Variants in PAK1 observed in about 807,000 individuals in gnomAD.
PAK1 encodes the protein p21 (RAC1) activated kinase 1.
A neutral mutation model predicts 67.4 loss-of-function variants in PAK1; 29 were observed. The ratio of observed to expected loss-of-function variants is 0.43; its 90% CI spans 0.32 to 0.59. The LOEUF (loss-of-function observed/expected upper bound fraction) is 0.59, where lower values mean the gene tolerates loss of function less well. Ranked by LOEUF, PAK1 falls within the 20% of genes least tolerant of loss-of-function variation. PAK1 has a pLI of 0.07. For synonymous variants in PAK1, 223 were observed against 237.4 expected, an observed-to-expected ratio of 0.94 and a Z score of 0.56; for missense variants, 337 against 670.7, an observed-to-expected ratio of 0.50 and a Z score of 5.50.
In PAK1 at chr11:77,388,376, C is replaced by A. The variant is rs61901810; in HGVS notation, c.190+3955G>T. 5.5e-3 allele frequency among the ~76,000 whole-genome samples: 833 copies of A among 152,258 alleles called. 10 individuals carry two copies. Among genetic ancestry groups the A allele is most frequent in the Non-Finnish European group, 7.3e-3 (497 of 68,020 alleles). On this transcript the variant is annotated intron_variant, in intron 2 of 14. Coordinates refer to ENST00000356341, the MANE Select transcript of PAK1 (RefSeq NM_002576.5). The stretch of plus-strand genomic sequence containing the variant: ...TTTTATTTTATTTTGTTTTTTGAGA[C>A]GGAGTCTCGCTCTGTCGCCCAGGCT...
chr11:77,458,080 G>C (rs1356952263), intron 1 of PAK1, among the ~76,000 whole-genome samples: 4 of 152,148 alleles, frequency 2.6e-5, no homozygotes, highest in African/African-American at 9.7e-5. Context: ...ATACATAGAG[G>C]GGATTCTTGT....
chr11:77,352,452 G>A (rs1463965990), intron 8 of PAK1, among the ~76,000 whole-genome samples: 2 of 152,194 alleles, frequency 1.3e-5, no homozygotes, highest in Non-Finnish European at 2.9e-5. Flanking sequence ...TTATGATGGA[G>A]CTGAAAAATT....
chr11:77,360,449 ATTTCGATATT>A (rs1399427881), intron 5 of PAK1, among the ~76,000 whole-genome samples: 1 of 152,112 alleles, frequency 6.6e-6, no homozygotes, highest in Non-Finnish European at 1.5e-5. Context: ...CAAAATATGT[ATTTCGATATT>A]TTTCTGCTCT....
chr11:77,520,009 C>CA, the PAK1 span, among the ~76,000 whole-genome samples: 158 of 152,180 alleles, frequency 1.0e-3, 1 homozygote, highest in East Asian at 0.025. Context: ...GTGGCCCCCC[C>CA]CTCCGCCCGT....
the PAK1 span, among the ~76,000 whole-genome samples, chr11:77,484,897 C>T: frequency 9.2e-5 from 14 of 152,292 alleles, no homozygotes; most frequent in East Asian, 3.9e-4. Context: ...CTAGGGAGGC[C>T]TCACAATCAC....
chr11:77,373,379 T>C (rs947823833), intron 5 of PAK1, among the ~76,000 whole-genome samples: 15 of 151,838 alleles, frequency 9.9e-5, no homozygotes, highest in African/African-American at 2.2e-4. Context: ...TTTTAAAAAA[T>C]TGTCTGTCTG....
intron 5 of PAK1, among the ~76,000 whole-genome samples, chr11:77,369,444 C>CTTTTT (rs147630042): frequency 4.4e-3 from 384 of 86,724 alleles, no homozygotes; most frequent in Non-Finnish European, 5.4e-3. Context: ...TTATACATTT[C>CTTTTT]TTTTTTTTTT....
At chr11:77,401,273 T>G (rs2853084) in intron 1 of PAK1, among the ~76,000 whole-genome samples, 9,657 of 152,196 alleles carry the variant, frequency 0.063, 684 homozygotes, top group East Asian at 0.24. Context: ...GTCTTGAATT[T>G]GCTGAGGGAT....
At chr11:77,360,650 C>G (rs1946657052) in intron 5 of PAK1, among the ~76,000 whole-genome samples, 2 of 152,106 alleles carry the variant, frequency 1.3e-5, no homozygotes, top group Admixed American at 1.3e-4. Flanking sequence ...CAACACCTTC[C>G]TCAGTAAAAG....
chr11:77,514,410 A>T, the PAK1 span, among the ~76,000 whole-genome samples: 1 of 151,990 alleles, frequency 6.6e-6, no homozygotes, highest in Non-Finnish European at 1.5e-5. Context: ...CAGGAGAATC[A>T]CTTGAACCTG....
At chr11:77,445,802 C>T (rs1294822186) in intron 1 of PAK1, among the ~76,000 whole-genome samples, 1 of 152,146 alleles carries the variant, frequency 6.6e-6, no homozygotes, top group Non-Finnish European at 1.5e-5. Context: ...AATCCTGAAG[C>T]GGTATCTTCT....
intron 1 of PAK1, among the ~76,000 whole-genome samples, chr11:77,393,487 G>A (rs562018493): frequency 1.3e-5 from 2 of 152,106 alleles, no homozygotes; most frequent in Admixed American, 6.5e-5. Context: ...TTGGAGACAA[G>A]AGTCTCCCTA....
chr11:77,463,021 G>A (rs1292108872), intron 1 of PAK1, among the ~76,000 whole-genome samples: 1 of 151,198 alleles, frequency 6.6e-6, no homozygotes, highest in African/African-American at 2.4e-5. Flanking sequence ...TTAGGAAAAA[G>A]GGTACTATGT....
chr11:77,432,653 G>A (rs143863513), intron 1 of PAK1, among the ~76,000 whole-genome samples: 2 of 151,832 alleles, frequency 1.3e-5, no homozygotes, highest in South Asian at 2.1e-4. Flanking sequence ...ATGAGACCCT[G>A]TCTCAAAAAA....
chr11:77,475,740 A>G (rs745955909), upstream of PAK1: 12 of 152,192 alleles, frequency 7.9e-5, no homozygotes, highest in Non-Finnish European at 1.6e-4. Context: ...CTGTAATTCT[A>G]TAGTATTTCT....
intron 2 of PAK1, among the ~76,000 whole-genome samples, chr11:77,384,603 T>G (rs1277912598): frequency 6.6e-6 from 1 of 152,204 alleles, no homozygotes; most frequent in Admixed American, 6.5e-5. Flanking sequence ...TGCTACAACA[T>G]GGATGAACCT....
intron 1 of PAK1, among the ~76,000 whole-genome samples, chr11:77,435,643 G>A (rs1172954068): frequency 5.2e-5 from 7 of 133,588 alleles, no homozygotes; most frequent in Admixed American, 3.7e-4. Context: ...ACAGGCGCCC[G>A]CCACTACACC....
At chr11:77,519,929 G>A in the PAK1 span, among the ~76,000 whole-genome samples, 3 of 152,174 alleles carry the variant, frequency 2.0e-5, no homozygotes, top group African/African-American at 7.2e-5. Flanking sequence ...CTGCTAACAG[G>A]CCTCTCACCT....
At chr11:77,386,577 G>A (rs929026653) in intron 2 of PAK1, among the ~76,000 whole-genome samples, 1 of 152,022 alleles carries the variant, frequency 6.6e-6, no homozygotes, top group African/African-American at 2.4e-5. Context: ...CACATACTGA[G>A]GCCATGCTAG....
Sources: allele counts gnomAD v4.1 joint callset (sites outside exome capture counted in the v4.1 genomes callset), GRCh38; gene constraint gnomAD v4.1.1; transcripts MANE v1.5; gene names NCBI Gene and HGNC (gene_info 2026-07-23, HGNC 2026-07-21).